PBRM1: variants seen among roughly 807,000 people sequenced by gnomAD.
PBRM1 encodes polybromo 1.
Under a neutral mutation model 194.5 loss-of-function variants are expected in PBRM1, and 27 were observed. The ratio of observed to expected loss-of-function variants is 0.14; its 90% CI spans 0.10 to 0.19. PBRM1 has a LOEUF of 0.19. PBRM1 is among the 10% of genes least tolerant of loss of function. The pLI is 1.00. For missense variants in PBRM1, 1,466 were observed against 2,077.2 expected (o/e 0.71, Z 5.72); for synonymous variants, 655 against 693.2 (o/e 0.94, Z 0.87).
At chr3:52,601,877 C>T (rs2094020131) in intron 17 of PBRM1, among the ~76,000 whole-genome samples, 1 of 152,154 alleles carries the variant, frequency 6.6e-6, no homozygotes, top group Non-Finnish European at 1.5e-5. Flanking sequence ...GTGTTCTGCA[C>T]CAGTGCTGGC....
intron 20 of PBRM1, among the ~76,000 whole-genome samples, chr3:52,582,411 CTTTT>C (rs374555187): frequency 7.8e-6 from 1 of 128,826 alleles, no homozygotes. Context: ...ATTGATAATT[CTTTT>C]TTTTTTTTTT....
intron 22 of PBRM1, 115 bp downstream of exon 24, chr3:52,576,426 A>T: frequency 1.6e-6 from 1 of 618,190 alleles, no homozygotes; most frequent in Non-Finnish European, 2.6e-6. Context: ...GAGAACAGAG[A>T]TTTGGATTTG....
intron 2 of PBRM1, among the ~76,000 whole-genome samples, chr3:52,678,286 G>T (rs897871055): frequency 1.3e-5 from 2 of 152,032 alleles, no homozygotes; most frequent in South Asian, 4.2e-4. Flanking sequence ...AAGTAGCTGG[G>T]ATTATAGGTG....
chr3:52,549,679 T>C (rs1393801006), intron 29 of PBRM1, among the ~76,000 whole-genome samples: 1 of 151,740 alleles, frequency 6.6e-6, no homozygotes, highest in African/African-American at 2.4e-5. Flanking sequence ...CTGAGGTGAA[T>C]AGATCACCTG....
chr3:52,662,301 A>G (rs2096740036), intron 3 of PBRM1, 25 bp from the exon 5 acceptor site: 1 of 1,575,436 alleles, frequency 6.3e-7, no homozygotes, highest in East Asian at 2.2e-5. Flanking sequence ...AGAGAAAAAA[A>G]AAAACACTTT....
intron 5 of PBRM1, among the ~76,000 whole-genome samples, chr3:52,652,295 G>A (rs1402849236): frequency 1.3e-5 from 2 of 151,172 alleles, no homozygotes; most frequent in African/African-American, 4.9e-5. Flanking sequence ...GAGGCAAGAG[G>A]ATCGCTTGAA....
intron 24 of PBRM1, among the ~76,000 whole-genome samples, chr3:52,562,320 C>T (rs1396747786): frequency 1.2e-5 from 1 of 85,766 alleles, no homozygotes; most frequent in South Asian, 5.0e-4. Context: ...GAGCAAGACT[C>T]TGTCTCAAAA....
At chr3:52,570,035 G>C (rs1220855982) in intron 22 of PBRM1, among the ~76,000 whole-genome samples, 6 of 152,216 alleles carry the variant, frequency 3.9e-5, no homozygotes, top group Middle Eastern at 3.4e-3. Flanking sequence ...GTAGTGACTC[G>C]ATCTTGGCTC....
intron 15 of PBRM1, among the ~76,000 whole-genome samples, 161 bp from the exon 18 acceptor site, chr3:52,610,116 A>T (rs913732048): frequency 1.3e-5 from 2 of 152,108 alleles, no homozygotes; most frequent in African/African-American, 2.4e-5. Context: ...AGTACTAAAA[A>T]TTTTTTTTAA....
At chr3:52,562,048 G>C in intron 24 of PBRM1, 80 bp from the exon 27 acceptor site, 1 of 1,112,146 alleles carries the variant, frequency 9.0e-7, no homozygotes, top group East Asian at 2.4e-5. Context: ...CCAGCCGGGC[G>C]CGGTGGCTCA....
rs1356703444 is a variant in PBRM1 at position 52,567,855 on chromosome 3, G to T, written c.3692-3622C>A. On this transcript the variant is annotated intron_variant, in intron 22 of 29. Coordinates refer to ENST00000296302, the Ensembl canonical transcript of PBRM1. ...GTAGAAATGGGGTTTCACCATGTTG[G>T]CCAGGCTGGTCTCGAACTTCTGACC... Among the ~76,000 whole-genome samples, 54 of 147,392 alleles carry T rather than the reference G, an allele frequency of 3.7e-4. No homozygotes were observed. The Middle Eastern group carries it at 0.01, about 28-fold the overall frequency.
downstream of PBRM1, chr3:52,545,427 GATAC>G: frequency 4.3e-6 from 1 of 231,658 alleles, no homozygotes; most frequent in Non-Finnish European, 8.5e-6. Context: ...ACAAAAAAAA[GATAC>G]ATACATGTTA....
intron 18 of PBRM1, among the ~76,000 whole-genome samples, chr3:52,588,075 T>G (rs2092627733): frequency 6.6e-6 from 1 of 152,040 alleles, no homozygotes; most frequent in Non-Finnish European, 1.5e-5. Context: ...ATAAAGTACA[T>G]AATGAGGAGG....
At chr3:52,601,134 T>G (rs1224455282) in intron 17 of PBRM1, among the ~76,000 whole-genome samples, 2 of 152,250 alleles carry the variant, frequency 1.3e-5, no homozygotes, top group African/African-American at 4.8e-5. Context: ...AAGATGTATC[T>G]GTGGTGTTCG....
At chr3:52,587,003 TTGTGTG>T (rs538427811) in intron 19 of PBRM1, among the ~76,000 whole-genome samples, 4 of 152,124 alleles carry the variant, frequency 2.6e-5, no homozygotes, top group Non-Finnish European at 5.9e-5. Flanking sequence ...TGAAGAGGGC[TTGTGTG>T]TGTGTATCAG....
At chr3:52,634,018 C>G (rs1476973680) in intron 11 of PBRM1, among the ~76,000 whole-genome samples, 1 of 152,184 alleles carries the variant, frequency 6.6e-6, no homozygotes, top group Non-Finnish European at 1.5e-5. Context: ...TCTCCAGGAA[C>G]TGACTATGCT....
chr3:52,602,395 A>T (rs892421079), intron 17 of PBRM1, among the ~76,000 whole-genome samples: 2 of 152,126 alleles, frequency 1.3e-5, no homozygotes, highest in Admixed American at 6.5e-5. Context: ...AGATCTGTGT[A>T]TAGGTTGGGG....
chr3:52,552,040 AG>A (rs2081102667), intron 27 of PBRM1: 2 of 152,210 alleles, frequency 1.3e-5, no homozygotes, highest in South Asian at 4.1e-4. Context: ...TTTAAAAAGC[AG>A]GGAGTTTTAT....
intron 16 of PBRM1, among the ~76,000 whole-genome samples, chr3:52,608,401 G>C (rs1282660826): frequency 6.6e-6 from 1 of 152,194 alleles, no homozygotes; most frequent in African/African-American, 2.4e-5. Context: ...CCTTCATAAA[G>C]TGCTTAGCAT....
Sources: allele counts gnomAD v4.1 joint callset (sites outside exome capture counted in the v4.1 genomes callset), GRCh38; gene constraint gnomAD v4.1.1; transcripts MANE v1.5; gene names NCBI Gene and HGNC (gene_info 2026-07-23, HGNC 2026-07-21).